MLYCD: variants seen among roughly 807,000 people sequenced by gnomAD.
MLYCD encodes the protein malonyl-CoA decarboxylase, also known as malonyl-CoA decarboxylase, mitochondrial.
In MLYCD, 27 loss-of-function variants were observed where a neutral mutation model predicts 35.8. That is an observed-to-expected ratio of 0.75 (90% CI 0.56 to 1.04). MLYCD has a LOEUF of 1.04. Ranked by LOEUF, MLYCD falls within the 50% of genes least tolerant of loss-of-function variation. The pLI is 0.00. For missense variants in MLYCD, 917 were observed against 665.1 expected (o/e 1.38, Z -4.17); for synonymous variants, 403 against 302.4 (o/e 1.33, Z -3.45).
chr16:83,921,874 G>A lies in MLYCD; in HGVS notation c.*6385G>A, dbSNP rs571319658. On this transcript the variant is annotated 3_prime_UTR_variant, in exon 5 of 5. Coordinates refer to ENST00000262430, the MANE Select transcript of MLYCD (RefSeq NM_012213.3). ...CTGAGGGTGATAGGCTACTCACTGG[G>A]TCCTAGTGTTCTGAACTACACCCTA... 2 of 152,394 alleles carry A rather than the reference G, an allele frequency of 1.3e-5. No homozygotes were observed. The highest frequency in any genetic ancestry group is 2.1e-4 in the South Asian group (1 of 4,820). 9.4% of individuals were successfully genotyped at this position (152,394 alleles called of 1,614,324 possible). A position where few individuals can be genotyped will look rare whatever the true frequency, so the allele number is the denominator to read the frequency against.
chr16:83,912,728 G>A (rs1567635873), intron 4 of MLYCD: 3 of 349,760 alleles, frequency 8.6e-6, no homozygotes, highest in Non-Finnish European at 1.7e-5. Flanking sequence ...CCAGCCAGAT[G>A]GCACAGCTGG....
rs1461516233 is a variant in MLYCD at position 83,915,620 on chromosome 16, G to A, written c.*131G>A. The A allele has an allele frequency of 7.9e-6, 12 of 1,527,340 alleles. No homozygotes were observed. In the Admixed American group the frequency reaches 1.6e-4, roughly 20 times the overall value. 94.6% of individuals were successfully genotyped at this position (1,527,340 alleles called of 1,614,324 possible). ...TGACTGTGTTCTTGTCCCGCAGCCG[G>A]TCCACACTGTGAGGCCAGGCCTCAA... On this transcript the variant is annotated 3_prime_UTR_variant, in exon 5 of 5. Transcript: ENST00000262430.
Position 83,907,107 on chromosome 16 carries a change from T to C in MLYCD, c.641+8T>C. ...GCTTCAGAAAATCAGTGAGTAAGTA[T>C]TACGGTTTTCATTTTCTTTGTACAT... On this transcript the variant is annotated splice_region_variant and intron_variant, in intron 2 of 4. Coordinates refer to ENST00000262430, the MANE Select transcript of MLYCD (RefSeq NM_012213.3). 1 of 1,601,156 alleles carries C rather than the reference T, an allele frequency of 6.2e-7. No individual in the cohort carries two copies. Among genetic ancestry groups the C allele is most frequent in the Non-Finnish European group, 8.6e-7 (1 of 1,168,090 alleles).
rs1443591062 is a variant in MLYCD, at chr16:83,920,950, T to TGAC, written c.*5462_*5463insACG. ...GATGGATGGATGGATGGATGACAGA[T>TGAC]GGATGGTGGAGGGTTAATGGAAGGA... On this transcript the variant is annotated 3_prime_UTR_variant, in exon 5 of 5. Transcript: ENST00000262430. The TGAC allele has an allele frequency of 1.7e-4, 21 of 124,926 alleles. No individual in the cohort carries two copies. In the East Asian group the frequency reaches 2.7e-3, roughly 16 times the overall value. The allele number at this position is 124,926 out of a possible 1,614,324, so 7.7% of individuals were successfully genotyped here.
chr16:83,902,698 G>A (rs931021311), intron 1 of MLYCD, among the ~76,000 whole-genome samples: 1 of 151,568 alleles, frequency 6.6e-6, no homozygotes, highest in Admixed American at 6.6e-5. Context: ...GAGAGATGGG[G>A]TTTTGCTATG....
At position 83,926,153 on chromosome 16, in the gene MLYCD, T is replaced by TGGTCTGGCCTC; in HGVS notation, c.*10665_*10675dup. The TGGTCTGGCCTC allele has an allele frequency of 6.6e-6, 1 of 152,448 alleles. No homozygotes were observed. The highest frequency in any genetic ancestry group is 1.5e-5 in the Non-Finnish European group (1 of 68,108). 9.4% of individuals were successfully genotyped at this position (152,448 alleles called of 1,614,324 possible). A position where few individuals can be genotyped will look rare whatever the true frequency, so the allele number is the denominator to read the frequency against. On this transcript the variant is annotated 3_prime_UTR_variant, in exon 5 of 5. Coordinates refer to ENST00000262430, the MANE Select transcript of MLYCD (RefSeq NM_012213.3). ...GGGTCTTTCTGGCCACGCCTGGCCCTGGTCTGGCCTCCCCAAGGAGCCCTG... is the reference window on the plus strand; with the variant it reads ...GGGTCTTTCTGGCCACGCCTGGCCCTGGTCTGGCCTCGGTCTGGCCTCCCCAAGGAGCCCTG...
chr16:83,910,174 A>C (rs1907124700), intron 3 of MLYCD, among the ~76,000 whole-genome samples: 1 of 150,450 alleles, frequency 6.6e-6, no homozygotes, highest in South Asian at 2.1e-4. Context: ...CATGGAGATT[A>C]GATTTTGGAG....
chr16:83,899,140 G>A lies in MLYCD; in HGVS notation c.-5G>A, dbSNP rs1442165029. Reference sequence around the variant, plus strand: ...GCTCCCCCTCGGCAGCTGTTGTGGGGCACCATGCGAGGCTTCGGGCCAGGC... The same window carrying A: ...GCTCCCCCTCGGCAGCTGTTGTGGGACACCATGCGAGGCTTCGGGCCAGGC... On this transcript the variant is annotated 5_prime_UTR_variant, in exon 1 of 5. Coordinates refer to ENST00000262430, the MANE Select transcript of MLYCD (RefSeq NM_012213.3). The A allele has an allele frequency of 1.8e-6, 2 of 1,132,538 alleles. No homozygotes were observed. The highest frequency in any genetic ancestry group is 2.2e-6 in the Non-Finnish European group (2 of 927,452). 70.2% of individuals were successfully genotyped at this position (1,132,538 alleles called of 1,614,324 possible). A position where few individuals can be genotyped will look rare whatever the true frequency, so the allele number is the denominator to read the frequency against.
At chr16:83,909,004 C>A (rs545446918) in intron 3 of MLYCD, among the ~76,000 whole-genome samples, 1 of 152,166 alleles carries the variant, frequency 6.6e-6, no homozygotes, top group African/African-American at 2.4e-5. Flanking sequence ...GATGAGTGCC[C>A]TAAGCAGGTG....
intron 3 of MLYCD, among the ~76,000 whole-genome samples, chr16:83,910,395 A>C (rs982541996): frequency 3.3e-5 from 5 of 152,068 alleles, no homozygotes; most frequent in Admixed American, 6.5e-5. Context: ...CTTCTTAAAA[A>C]ACAAAGGAGA....
chr16:83,917,353 A>G lies in MLYCD; in HGVS notation c.*1864A>G, dbSNP rs1446173625. The G allele has an allele frequency of 6.5e-6, 1 of 154,076 alleles. No homozygotes were observed. Among genetic ancestry groups the G allele is most frequent in the African/African-American group, 2.4e-5 (1 of 41,362 alleles). The allele number at this position is 154,076 out of a possible 1,614,324, so 9.5% of individuals were successfully genotyped here. A position where few individuals can be genotyped will look rare whatever the true frequency, so the allele number is the denominator to read the frequency against. ...TGTGCGTGTGCACGAGCGTCTCTGG[A>G]TCAGTGCACGTCTGTGCATGTGCAC... On this transcript the variant is annotated 3_prime_UTR_variant, in exon 5 of 5. Coordinates refer to ENST00000262430, the MANE Select transcript of MLYCD (RefSeq NM_012213.3).
Position 83,915,341 on chromosome 16 carries a change from C to T in MLYCD, c.1334C>T (p.Thr445Ile), listed in dbSNP as rs370273762. Residue 445 changes from threonine (T) to isoleucine (I), a missense_variant, in exon 5 of 5, where the codon ACC becomes ATC. Coordinates refer to ENST00000262430, the MANE Select transcript of MLYCD (RefSeq NM_012213.3). ...GCGGATGTGAGCCTCAGAGGCATCA[C>T]CGGCTCCTGCGGCCTGATGGCCAAC... Reference protein sequence around the residue: ...WMADVSLRGITGSCGLMANYR... With the variant: ...WMADVSLRGIIGSCGLMANYR... 15 of 1,613,714 alleles carry T rather than the reference C, an allele frequency of 9.3e-6. No homozygotes were observed. Among genetic ancestry groups the T allele is most frequent in the Admixed American group, 1.7e-5 (1 of 60,012 alleles).
Position 83,915,590 on chromosome 16 carries a change from A to G in MLYCD, c.*101A>G, listed in dbSNP as rs903453171. 9 of 1,546,508 alleles carry G rather than the reference A, an allele frequency of 5.8e-6. No homozygotes were observed. The East Asian group carries it at 1.9e-4, about 32-fold the overall frequency. The stretch of plus-strand genomic sequence containing the variant: ...CTGAAGCAGCTTTCCAAGCAAAGCC[A>G]AAGTTGACTGTGTTCTTGTCCCGCA... On this transcript the variant is annotated 3_prime_UTR_variant, in exon 5 of 5. Transcript: ENST00000262430.
Position 83,912,256 on chromosome 16 carries a change from G to C in MLYCD, c.837G>C (p.Glu279Asp). 1 of 1,614,152 alleles carries C rather than the reference G, an allele frequency of 6.2e-7. No homozygotes were observed. The highest frequency in any genetic ancestry group is 8.5e-7 in the Non-Finnish European group (1 of 1,180,030). The part of the protein sequence containing the change: ...VKEHPPSETE[E>D]KNKITAAIFY... ...AACATCCTCCATCAGAAACAGAAGA[G>C]AAGAACAAAATCACTGCTGCGATCT... The change falls in exon 4 of 5, where the codon GAG becomes GAC. Residue 279 changes from glutamate (E) to aspartate (D), a missense_variant. Glu to Asp is a conservative substitution (Grantham distance 45). Coordinates refer to ENST00000262430, the MANE Select transcript of MLYCD (RefSeq NM_012213.3).
chr16:83,903,936 A>G (rs1230738107), intron 1 of MLYCD, among the ~76,000 whole-genome samples: 1 of 152,166 alleles, frequency 6.6e-6, no homozygotes, highest in Non-Finnish European at 1.5e-5. Flanking sequence ...TGGTGTTTGT[A>G]TCCTGGCAAC....
chr16:83,909,855 A>T (rs1166226239), intron 3 of MLYCD, among the ~76,000 whole-genome samples: 2 of 150,306 alleles, frequency 1.3e-5, no homozygotes, highest in African/African-American at 4.9e-5. Context: ...CTGGTCTCGA[A>T]CTCCCGACCT....
Position 83,904,456 on chromosome 16 carries a change from C to T in MLYCD, c.529-2531C>T, listed in dbSNP as rs1275387485. ...TTGCTATAGTCAAATGCAGAAAGTA[C>T]AGTTTTACAAAGGGCCATTCTGTGT... On this transcript the variant is annotated intron_variant, in intron 1 of 4. Transcript: ENST00000262430. 2.6e-5 allele frequency among the ~76,000 whole-genome samples: 4 copies of T among 152,178 alleles called. No homozygotes were observed. In the East Asian group the frequency reaches 5.8e-4, roughly 22 times the overall value.
At position 83,921,729 on chromosome 16, in the gene MLYCD, C is replaced by T. The variant is rs1001761280; in HGVS notation, c.*6240C>T. On this transcript the variant is annotated 3_prime_UTR_variant, in exon 5 of 5. Coordinates refer to ENST00000262430, the MANE Select transcript of MLYCD (RefSeq NM_012213.3). ...GTAGAACCTCTAGAAAGGCAGGTGGCTTCCAGCTCCTCGCTTTTCCTGAGG... is the reference window on the plus strand; with the variant it reads ...GTAGAACCTCTAGAAAGGCAGGTGGTTTCCAGCTCCTCGCTTTTCCTGAGG... 1.3e-5 allele frequency: 2 copies of T among 152,218 alleles called. No individual in the cohort carries two copies. The highest frequency in any genetic ancestry group is 6.5e-5 in the Admixed American group (1 of 15,284). 9.4% of individuals were successfully genotyped at this position (152,218 alleles called of 1,614,324 possible).
rs780327700 is a variant in MLYCD, at chr16:83,915,211, T to C, written c.1204T>C (p.Cys402Arg). 6.2e-7 allele frequency: 1 copy of C among 1,613,912 alleles called. No homozygotes were observed. The highest frequency in any genetic ancestry group is 1.3e-5 in the African/African-American group (1 of 74,950). Residue 402 changes from cysteine to arginine, a missense_variant, in exon 5 of 5, where the codon TGC becomes CGC. Coordinates refer to ENST00000262430, the MANE Select transcript of MLYCD (RefSeq NM_012213.3). Reference sequence around the variant, plus strand: ...GCTGCAGACTCCGCTGATGAGGCTGTGCGCCTGGTACCTGTATGGAGAGAA... The same window carrying C: ...GCTGCAGACTCCGCTGATGAGGCTGCGCGCCTGGTACCTGTATGGAGAGAA... ...RALQTPLMRL[C>R]AWYLYGEKHR... is the part of the protein sequence containing the mutation.
Sources: allele counts gnomAD v4.1 joint callset (sites outside exome capture counted in the v4.1 genomes callset), GRCh38; gene constraint gnomAD v4.1.1; transcripts MANE v1.5; gene names NCBI Gene and HGNC (gene_info 2026-07-23, HGNC 2026-07-21).